BPIFB3: variants seen among roughly 807,000 people sequenced by gnomAD.
BPIFB3 encodes the protein BPI fold-containing family B member 3.
In BPIFB3, 49 loss-of-function variants were observed where a neutral mutation model predicts 53.1. That is an observed-to-expected ratio of 0.92 (90% CI 0.73 to 1.17). The LOEUF is 1.17. BPIFB3 is among the 50% of genes most tolerant of loss of function. BPIFB3 has a pLI of 0.00. For missense variants in BPIFB3, 628 were observed against 592.5 expected (o/e 1.06, Z -0.62); for synonymous variants, 271 against 269.6 (o/e 1.01, Z -0.05).
At chr20:33,069,359 G>A (rs1395777424) in intron 10 of BPIFB3, among the ~76,000 whole-genome samples, 2 of 152,076 alleles carry the variant, frequency 1.3e-5, no homozygotes, top group African/African-American at 4.8e-5. Context: ...GACCGAGGCA[G>A]GCCCCTCCCC....
In BPIFB3 at chr20:33,063,603, T is replaced by G; in HGVS notation, c.592-12T>G. 6.2e-7 allele frequency: 1 copy of G among 1,613,828 alleles called. No individual in the cohort carries two copies. The highest frequency in any genetic ancestry group is 1.1e-5 in the South Asian group (1 of 91,056). ...TCTTCTTTGCCCTGTAACATGTGTC[T>G]CCCTGACACAGCTGTGCCCCGTGGT... On this transcript the variant is annotated splice_polypyrimidine_tract_variant and intron_variant, in intron 5 of 14. Transcript: ENST00000375494.
intron 11 of BPIFB3, among the ~76,000 whole-genome samples, chr20:33,070,699 A>AG (rs1379518430): frequency 6.6e-6 from 1 of 152,158 alleles, no homozygotes; most frequent in Non-Finnish European, 1.5e-5. Context: ...GCACCCCCAC[A>AG]GGCTCCTCAG....
At chr20:33,073,660 CTCT>C, downstream of BPIFB3, 1 of 1,599,270 alleles carries the variant, frequency 6.3e-7, no homozygotes. Flanking sequence ...CACCTGTCTA[CTCT>C]GCCTCAATTT....
At chr20:33,059,592 T>G in intron 3 of BPIFB3, 110 bp downstream of exon 4, 1 of 808,932 alleles carries the variant, frequency 1.2e-6, no homozygotes. Flanking sequence ...TATCCCCCAT[T>G]TCCTTTCACC....
At chr20:33,060,527 T>TGGCC (rs1980410559) in intron 4 of BPIFB3, among the ~76,000 whole-genome samples, 1 of 152,146 alleles carries the variant, frequency 6.6e-6, no homozygotes, top group Admixed American at 6.5e-5. Flanking sequence ...TCTGTCCAGG[T>TGGCC]GGCCCTCCCT....
Position 33,056,595 on chromosome 20 carries a change from G to T in BPIFB3, c.178G>T (p.Val60Phe), listed in dbSNP as rs138897849. The T allele has an allele frequency of 4.0e-4, 638 of 1,614,040 alleles. 4 individuals carry two copies. In the East Asian group the frequency reaches 0.011, roughly 28 times the overall value. The change falls in exon 2 of 15, where the codon GTC (valine) becomes TTC (phenylalanine). Residue 60 changes from valine (V) to phenylalanine (F), a missense_variant. Val to Phe is a conservative substitution (Grantham distance 50). Transcript: ENST00000375494. Reference sequence around the variant, plus strand: ...CATTCTGCAGAATGTGCTGGGATCGGTCACAGCTGTGAACCGGGGCCTCTT... The same window carrying T: ...CATTCTGCAGAATGTGCTGGGATCGTTCACAGCTGTGAACCGGGGCCTCTT...
intron 2 of BPIFB3, among the ~76,000 whole-genome samples, chr20:33,058,822 G>A (rs1288914998): frequency 6.6e-6 from 1 of 152,012 alleles, no homozygotes; most frequent in South Asian, 2.1e-4. Context: ...CTGGAGGAGT[G>A]CACGTGAACT....
rs554829836 is a variant in BPIFB3 at position 33,056,524 on chromosome 20, C to T, written c.125-18C>T. On this transcript the variant is annotated intron_variant, in intron 1 of 14. Coordinates refer to ENST00000375494, the Ensembl canonical transcript of BPIFB3. The stretch of plus-strand genomic sequence containing the variant: ...GGTTGGAGTTTCTAGTACCTTCCTA[C>T]TTCCACTCTCTCTGCAGCCATCCAG... 26 of 1,613,498 alleles carry T rather than the reference C, an allele frequency of 1.6e-5. No homozygotes were observed. In the South Asian group the frequency reaches 2.9e-4, roughly 18 times the overall value.
chr20:33,061,726 T>C, intron 4 of BPIFB3, 42 bp from the exon 6 acceptor site: 1 of 1,597,880 alleles, frequency 6.3e-7, no homozygotes, highest in Non-Finnish European at 8.6e-7. Flanking sequence ...GGTTGAACCG[T>C]CCACCTGGCA....
At chr20:33,055,433 G>C in exon 1 of BPIFB3, 1 of 1,613,610 alleles carries the variant, frequency 6.2e-7, no homozygotes, top group Non-Finnish European at 8.5e-7. Flanking sequence ...CATGCAGCCA[G>C]TCATGCTGGC....
chr20:33,061,884 T>TC, intron 5 of BPIFB3, 53 bp downstream of exon 6: 1 of 1,595,090 alleles, frequency 6.3e-7, no homozygotes, highest in African/African-American at 1.3e-5. Context: ...TGGGCCTCTT[T>TC]CCCCCTCTGG....
At chr20:33,058,708 G>A (rs577026498) in intron 2 of BPIFB3, among the ~76,000 whole-genome samples, 44 of 152,172 alleles carry the variant, frequency 2.9e-4, no homozygotes, top group African/African-American at 9.9e-4. Flanking sequence ...GTCTGACAGC[G>A]AAGATCCCAT....
At chr20:33,057,787 A>G (rs999296787) in intron 2 of BPIFB3, among the ~76,000 whole-genome samples, 5 of 152,122 alleles carry the variant, frequency 3.3e-5, no homozygotes, top group Non-Finnish European at 5.9e-5. Context: ...TTTCCTAAAC[A>G]TAGGATTGCA....
At chr20:33,072,083 A>G (rs1263514200) in intron 12 of BPIFB3, 21 bp from the exon 14 acceptor site, 3 of 1,613,136 alleles carry the variant, frequency 1.9e-6, no homozygotes, top group East Asian at 4.5e-5. Context: ...CACCCCCACC[A>G]CCCTGTGTGT....
chr20:33,070,102 G>A, intron 11 of BPIFB3, 147 bp downstream of exon 12: 1 of 852,914 alleles, frequency 1.2e-6, no homozygotes, highest in Non-Finnish European at 1.9e-6. Context: ...ACCCGCCAGG[G>A]AGGAGACAGT....
rs574781991 is a variant in BPIFB3, at chr20:33,068,803, G to A, written c.979G>A (p.Ala327Thr). Residue 327 changes from alanine (A) to threonine (T), a missense_variant and splice_region_variant, in exon 10 of 15, where the codon GCC becomes ACC. Coordinates refer to ENST00000375494, the Ensembl canonical transcript of BPIFB3. ...AAGTTATGCCCCTGCATTTCTCCAG[G>A]CCCTGGGGAAGCTGCCCCTGCACCA... is the stretch of plus-strand genomic sequence containing the variant. 89 of 1,613,240 alleles carry A rather than the reference G, an allele frequency of 5.5e-5. 2 individuals carry two copies. In the East Asian group the frequency reaches 1.0e-3, roughly 19 times the overall value.
chr20:33,072,245 T>A, intron 13 of BPIFB3, 78 bp downstream of exon 14: 1 of 1,453,380 alleles, frequency 6.9e-7, no homozygotes, highest in Non-Finnish European at 9.7e-7. Context: ...CTCTTTATGG[T>A]TCTGATGGGG....
chr20:33,055,346 G>C, upstream of BPIFB3: 1 of 1,580,544 alleles, frequency 6.3e-7, no homozygotes, highest in Non-Finnish European at 8.6e-7. Context: ...AAGGGGGAAG[G>C]CTGATAATGG....
chr20:33,054,580 C>A (rs896551630), upstream of BPIFB3, among the ~76,000 whole-genome samples: 1 of 152,102 alleles, frequency 6.6e-6, no homozygotes, highest in African/African-American at 2.4e-5. Flanking sequence ...ACCGCATGTG[C>A]AAAGGCCCTG....
Sources: gnomAD v4.1 joint callset for allele counts (sites outside exome capture counted in the v4.1 genomes callset) on GRCh38, gnomAD v4.1.1 for gene constraint, MANE v1.5 for transcripts, NCBI Gene and HGNC (gene_info 2026-07-23, HGNC 2026-07-21) for gene names.